Variants in TCF4 observed in about 807,000 individuals in gnomAD.
TCF4 encodes SL3-3 enhancer factor 2.
TCF4 carries 3 observed loss-of-function variants against 82.1 expected under a neutral mutation model. That is an observed-to-expected ratio of 0.04 (90% CI 0.02 to 0.09). TCF4 has a LOEUF of 0.09. TCF4 is among the 10% of genes least tolerant of loss of function. The pLI is 1.00. For synonymous variants in TCF4, 276 were observed against 309.6 expected (o/e 0.89, Z 1.14); for missense variants, 518 against 852.7 (o/e 0.61, Z 4.89).
At chr18:55,306,523 A>G (rs1291737689) in intron 8 of TCF4, among the ~76,000 whole-genome samples, 1 of 152,228 alleles carries the variant, frequency 6.6e-6, no homozygotes, top group Non-Finnish European at 1.5e-5. Context: ...CACTTTGAGT[A>G]ATAAAGAAAA....
At chr18:55,510,836 T>C (rs529018885) in intron 3 of TCF4, 5 of 1,033,448 alleles carry the variant, frequency 4.8e-6, no homozygotes, top group African/African-American at 3.3e-5. Context: ...ACTGGCTGTG[T>C]GTTTATGAGC....
intron 10 of TCF4, among the ~76,000 whole-genome samples, chr18:55,273,064 C>T (rs995470800): frequency 8.5e-5 from 13 of 152,088 alleles, no homozygotes; most frequent in African/African-American, 3.1e-4. Context: ...ACAACCCATT[C>T]CAAACTTTAA....
At chr18:55,596,775 AG>A (rs2097691346) in intron 2 of TCF4, among the ~76,000 whole-genome samples, 1 of 152,214 alleles carries the variant, frequency 6.6e-6, no homozygotes, top group Non-Finnish European at 1.5e-5. Flanking sequence ...GATTTACAAA[AG>A]TCTTGTTTCA....
Position 55,227,749 on chromosome 18 carries a change from T to G in TCF4, c.*286A>C, listed in dbSNP as rs1175677155. ...AGTGTGGAAAGATTGCCGTTCAGTCTCTGGGCTGTGTCTCAGCCTGTACAT... is the reference window on the plus strand; with the variant it reads ...AGTGTGGAAAGATTGCCGTTCAGTCGCTGGGCTGTGTCTCAGCCTGTACAT... On this transcript the variant is annotated 3_prime_UTR_variant, in exon 20 of 20. Transcript: ENST00000354452. 6.2e-6 allele frequency: 1 copy of G among 160,822 alleles called. No individual in the cohort carries two copies. The highest frequency in any genetic ancestry group is 1.4e-5 in the Non-Finnish European group (1 of 73,018). The allele number at this position is 160,822 out of a possible 1,614,324, so 10.0% of individuals were successfully genotyped here. A position where few individuals can be genotyped will look rare whatever the true frequency, so the allele number is the denominator to read the frequency against.
chr18:55,439,876 C>T (rs562772115), intron 5 of TCF4, among the ~76,000 whole-genome samples: 51 of 152,320 alleles, frequency 3.3e-4, no homozygotes, highest in Non-Finnish European at 6.5e-4. Flanking sequence ...GCACGTGCCA[C>T]CACGCCTGGC....
chr18:55,577,720 AC>A (rs1044379005), intron 3 of TCF4, among the ~76,000 whole-genome samples: 9 of 152,048 alleles, frequency 5.9e-5, no homozygotes, highest in Admixed American at 2.6e-4. Context: ...TCAGCTAAGT[AC>A]CCCCCAAAAG....
chr18:55,566,358 T>C (rs1411430512), intron 3 of TCF4, among the ~76,000 whole-genome samples: 1 of 152,134 alleles, frequency 6.6e-6, no homozygotes, highest in Non-Finnish European at 1.5e-5. Flanking sequence ...ATGGGTACAA[T>C]GTAGTCCTGA....
At chr18:55,603,389 TAG>T (rs34529177) in intron 2 of TCF4, among the ~76,000 whole-genome samples, 21,681 of 152,178 alleles carry the variant, frequency 0.14, 2,002 homozygotes, top group Admixed American at 0.28. Context: ...ATTTGCTTCA[TAG>T]AGTTATTATA....
intron 10 of TCF4, among the ~76,000 whole-genome samples, chr18:55,271,672 A>C (rs1384110293): frequency 6.6e-6 from 1 of 152,014 alleles, no homozygotes; most frequent in Non-Finnish European, 1.5e-5. Flanking sequence ...TTGACCCCAA[A>C]ATTCCTTAGG....
chr18:55,426,576 T>G (rs2094992474), intron 5 of TCF4, among the ~76,000 whole-genome samples: 1 of 152,160 alleles, frequency 6.6e-6, no homozygotes. Context: ...TCTAATTATT[T>G]GCCATTTAGA....
At chr18:55,294,683 G>T (rs2066040401) in intron 8 of TCF4, among the ~76,000 whole-genome samples, 3 of 152,222 alleles carry the variant, frequency 2.0e-5, no homozygotes, top group Non-Finnish European at 2.9e-5. Flanking sequence ...AGCACTGGGT[G>T]TGCAGAATTT....
In TCF4 at chr18:55,609,315, T is replaced by G. The variant is rs146421035; in HGVS notation, c.286+21983A>C. Among the ~76,000 whole-genome samples the G allele has an allele frequency of 1.6e-3, 247 of 152,226 alleles. 1 individual carries two copies. The highest frequency in any genetic ancestry group is 5.8e-3 in the African/African-American group (243 of 41,548). ...ATGAAGCCACTGCTGCTGGGAAGAC[T>G]CATACGGGGGGCAGGTTTTTCATGA... On this transcript the variant is annotated intron_variant, in intron 2 of 20. Transcript: ENST00000398339.
At chr18:55,476,449 C>T (rs1445351872) in intron 3 of TCF4, among the ~76,000 whole-genome samples, 2 of 150,080 alleles carry the variant, frequency 1.3e-5, no homozygotes, top group East Asian at 1.9e-4. Context: ...ATGAAGCCCT[C>T]GTTGTTTTTT....
chr18:55,276,232 A>G (rs2061479256), intron 9 of TCF4, among the ~76,000 whole-genome samples: 1 of 152,212 alleles, frequency 6.6e-6, no homozygotes, highest in Admixed American at 6.5e-5. Flanking sequence ...TTTTTAACAT[A>G]TACAATAAAT....
chr18:55,422,536 CAT>C (rs2094811548), intron 5 of TCF4: 3 of 874,934 alleles, frequency 3.4e-6, no homozygotes, highest in East Asian at 1.2e-4. Flanking sequence ...ACACTCATCA[CAT>C]GTTTCCTATG....
intron 2 of TCF4, among the ~76,000 whole-genome samples, chr18:55,611,962 G>A (rs2097707481): frequency 6.6e-6 from 1 of 152,050 alleles, no homozygotes; most frequent in Admixed American, 6.5e-5. Context: ...GTAGAGATGG[G>A]ATTTCAGCAT....
Position 55,495,100 on chromosome 18 carries a change from T to A in TCF4, c.146-30963A>T, listed in dbSNP as rs115245265. 5.9e-3 allele frequency among the ~76,000 whole-genome samples: 904 copies of A among 152,222 alleles called. 12 individuals are homozygous for A. The highest frequency in any genetic ancestry group is 0.021 in the African/African-American group (878 of 41,566). On this transcript the variant is annotated intron_variant, in intron 3 of 19. Transcript: ENST00000354452. ...ATCAAGAGCTCAACCACAGGGTTAC[T>A]GGTTTATTATTTTAACCAATTCACA...
At chr18:55,502,506 A>G (rs1330175829) in intron 3 of TCF4, among the ~76,000 whole-genome samples, 1 of 152,208 alleles carries the variant, frequency 6.6e-6, no homozygotes, top group African/African-American at 2.4e-5. Flanking sequence ...TGGTAACTAC[A>G]TAACAAAGCA....
At chr18:55,258,005 T>C (rs2057260177) in intron 13 of TCF4, among the ~76,000 whole-genome samples, 1 of 152,158 alleles carries the variant, frequency 6.6e-6, no homozygotes, top group Non-Finnish European at 1.5e-5. Flanking sequence ...ACATATTACA[T>C]GTCTAACCTA....
Sources: gnomAD v4.1 joint callset for allele counts (sites outside exome capture counted in the v4.1 genomes callset) on GRCh38, gnomAD v4.1.1 for gene constraint, MANE v1.5 for transcripts, NCBI Gene and HGNC (gene_info 2026-07-23, HGNC 2026-07-21) for gene names.